SHC4: variants seen among roughly 807,000 people sequenced by gnomAD.
SHC4 encodes SHC adaptor protein 4.
SHC4 carries 41 observed loss-of-function variants against 69.4 expected under a neutral mutation model. The observed-to-expected ratio is 0.59, with a 90% confidence interval of 0.46 to 0.77. The LOEUF is 0.77. Ranked by LOEUF, SHC4 falls within the 30% of genes least tolerant of loss-of-function variation. SHC4 has a pLI of 0.00. For missense variants in SHC4, 777 were observed against 783.8 expected, an observed-to-expected ratio of 0.99 and a Z score of 0.10; for synonymous variants, 318 against 299.3, an observed-to-expected ratio of 1.06 and a Z score of -0.64.
At chr15:48,851,293 A>C in intron 8 of SHC4, 45 bp from the exon 9 acceptor site, 3 of 1,590,716 alleles carry the variant, frequency 1.9e-6, no homozygotes, top group Non-Finnish European at 2.6e-6. Flanking sequence ...CATAGTACAC[A>C]TTCATAAACT....
intron 2 of SHC4, among the ~76,000 whole-genome samples, chr15:48,910,593 T>G (rs1052731709): frequency 6.6e-6 from 1 of 152,126 alleles, no homozygotes; most frequent in Non-Finnish European, 1.5e-5. Flanking sequence ...GTTATTTCCT[T>G]TCTTCTGCTG....
intron 1 of SHC4, among the ~76,000 whole-genome samples, chr15:48,948,988 C>A (rs151066813): frequency 2.0e-5 from 3 of 152,156 alleles, no homozygotes; most frequent in Non-Finnish European, 4.4e-5. Context: ...GAACCTCATC[C>A]GTTCCCTCTC....
At chr15:48,911,671 G>A (rs1030744432) in intron 2 of SHC4, among the ~76,000 whole-genome samples, 3 of 151,998 alleles carry the variant, frequency 2.0e-5, no homozygotes, top group African/African-American at 7.2e-5. Flanking sequence ...TTTTTAACTT[G>A]TATTTTTGTT....
rs1470733021 is a variant in SHC4, at chr15:48,825,182, T to C, written c.*789A>G. 6.6e-6 allele frequency: 1 copy of C among 152,150 alleles called. No individual in the cohort carries two copies. The highest frequency in any genetic ancestry group is 1.5e-5 in the Non-Finnish European group (1 of 68,036). 9.4% of individuals were successfully genotyped at this position (152,150 alleles called of 1,614,324 possible). ...TTTTTTTTGTTTTTTGTTTTTTGTC[T>C]TTTTAGCAGGAAGAGGGGGAGAATA... is the stretch of plus-strand genomic sequence containing the variant. On this transcript the variant is annotated 3_prime_UTR_variant, in exon 12 of 12. Transcript: ENST00000332408.
rs1340037258 is a variant in SHC4 at position 48,963,584 on chromosome 15, T to C, written c.-569A>G. On this transcript the variant is annotated 5_prime_UTR_variant, in exon 1 of 12. Transcript: ENST00000332408. ...TGTATCTATGAACCAAAGGCCCTTT[T>C]GCCTGGGTTCGTTGATTCCAAAGGC... 1 of 152,642 alleles carries C rather than the reference T, an allele frequency of 6.6e-6. No individual in the cohort carries two copies. The highest frequency in any genetic ancestry group is 2.4e-5 in the African/African-American group (1 of 41,470). 9.5% of individuals were successfully genotyped at this position (152,642 alleles called of 1,614,324 possible). A position where few individuals can be genotyped will look rare whatever the true frequency, so the allele number is the denominator to read the frequency against.
At chr15:48,867,560 C>T (rs755720682) in intron 6 of SHC4, among the ~76,000 whole-genome samples, 1 of 152,228 alleles carries the variant, frequency 6.6e-6, no homozygotes, top group African/African-American at 2.4e-5. Flanking sequence ...CTATCATAAC[C>T]ATAATAGCTT....
At chr15:48,905,304 C>A (rs1417258807) in intron 2 of SHC4, among the ~76,000 whole-genome samples, 1 of 152,128 alleles carries the variant, frequency 6.6e-6, no homozygotes, top group Non-Finnish European at 1.5e-5. Context: ...CCTTCAAGCC[C>A]AAAAATGATG....
intron 2 of SHC4, among the ~76,000 whole-genome samples, chr15:48,911,391 C>T (rs28891111): frequency 2.0e-5 from 3 of 152,106 alleles, no homozygotes; most frequent in Non-Finnish European, 2.9e-5. Context: ...TACCCCTGCT[C>T]GCTTTTGGCA....
chr15:48,862,827 C>G (rs879608457), intron 6 of SHC4, among the ~76,000 whole-genome samples: 5 of 152,166 alleles, frequency 3.3e-5, no homozygotes, highest in Non-Finnish European at 5.9e-5. Context: ...AGGTAATACT[C>G]ATTTCTTGAC....
chr15:48,950,484 C>G (rs1901349364), intron 1 of SHC4, among the ~76,000 whole-genome samples: 1 of 152,038 alleles, frequency 6.6e-6, no homozygotes, highest in Non-Finnish European at 1.5e-5. Flanking sequence ...TATTGATCTC[C>G]TAGTTTCAAA....
intron 6 of SHC4, among the ~76,000 whole-genome samples, chr15:48,867,416 T>A (rs1327738364): frequency 1.3e-5 from 2 of 151,924 alleles, no homozygotes; most frequent in Non-Finnish European, 2.9e-5. Context: ...GAACAGCAAG[T>A]ACACAGACAC....
Position 48,962,904 on chromosome 15 carries a change from T to A in SHC4, c.112A>T (p.Ile38Phe). 6.2e-7 allele frequency: 1 copy of A among 1,613,368 alleles called. No individual in the cohort carries two copies. ...GAGCTACCTTCGTCCAAGGACGTGA[T>A]CGACTCGTTCCGAAAGCGGCTGTAC... ...AKYSRFRNES[I>F]TSLDEGSSGG... Residue 38 changes from isoleucine to phenylalanine, a missense_variant, in exon 1 of 12, where the codon ATC becomes TTC. Ile to Phe is a conservative substitution (Grantham distance 21, BLOSUM62 0). Transcript: ENST00000332408.
intron 10 of SHC4, among the ~76,000 whole-genome samples, chr15:48,841,464 C>G (rs1325667024): frequency 6.6e-6 from 1 of 152,168 alleles, no homozygotes; most frequent in Non-Finnish European, 1.5e-5. Flanking sequence ...CACCATTGCC[C>G]CAGGTGTCAG....
intron 2 of SHC4, among the ~76,000 whole-genome samples, chr15:48,891,542 G>T (rs529960412): frequency 7.9e-5 from 12 of 152,232 alleles, no homozygotes; most frequent in Admixed American, 6.5e-4. Context: ...TTTGTCTCTG[G>T]GACTCTGAGC....
intron 1 of SHC4, among the ~76,000 whole-genome samples, chr15:48,929,628 A>T (rs11855420): frequency 0.17 from 26,532 of 152,220 alleles, 2,832 homozygotes; most frequent in South Asian, 0.3. Context: ...TGGTCTACCC[A>T]GGAACACGGT....
At chr15:48,846,779 C>A (rs1899101438) in intron 9 of SHC4, among the ~76,000 whole-genome samples, 1 of 152,170 alleles carries the variant, frequency 6.6e-6, no homozygotes, top group African/African-American at 2.4e-5. Context: ...TCTATCCAAT[C>A]TTCCTTTGTT....
rs1419271756 is a variant in SHC4 at position 48,950,459 on chromosome 15, A to G, written c.585+11972T>C. Among the ~76,000 whole-genome samples the G allele has an allele frequency of 2.6e-5, 4 of 151,920 alleles. No individual in the cohort carries two copies. In the East Asian group the frequency reaches 7.7e-4, roughly 29 times the overall value. On this transcript the variant is annotated intron_variant, in intron 1 of 11. Transcript: ENST00000332408. ...TGTCTATAGGCATATATCATTTTCTACCTTGTATTATGATTATTGATCTCC... is the reference window on the plus strand; with the variant it reads ...TGTCTATAGGCATATATCATTTTCTGCCTTGTATTATGATTATTGATCTCC...
chr15:48,956,509 A>T (rs1030722329), intron 1 of SHC4, among the ~76,000 whole-genome samples: 1 of 152,152 alleles, frequency 6.6e-6, no homozygotes, highest in Admixed American at 6.5e-5. Context: ...AGTCAGACCT[A>T]GCTGGCCAGA....
Position 48,860,502 on chromosome 15 carries a change from T to C in SHC4, c.947-2687A>G, listed in dbSNP as rs148952045. On this transcript the variant is annotated intron_variant, in intron 6 of 11. Transcript: ENST00000332408. ...AGTCTGGGCGACGAGTGAAACTCCATCTCAAAAATAAAAATAATAATAATA... is the reference window on the plus strand; with the variant it reads ...AGTCTGGGCGACGAGTGAAACTCCACCTCAAAAATAAAAATAATAATAATA... Among the ~76,000 whole-genome samples, 387 of 151,992 alleles carry C rather than the reference T, an allele frequency of 2.5e-3. 10 individuals carry two copies. Among genetic ancestry groups the C allele is most frequent in the Non-Finnish European group, 4.0e-4 (27 of 67,976 alleles).
Sources: gnomAD v4.1 joint callset for allele counts (sites outside exome capture counted in the v4.1 genomes callset) on GRCh38, gnomAD v4.1.1 for gene constraint, MANE v1.5 for transcripts, NCBI Gene and HGNC (gene_info 2026-07-23, HGNC 2026-07-21) for gene names.